TMEM244: variants seen among roughly 807,000 people sequenced by gnomAD.
TMEM244 encodes putative transmembrane protein 244.
A neutral mutation model predicts 15.8 loss-of-function variants in TMEM244; 13 were observed. The ratio of observed to expected loss-of-function variants is 0.82; its 90% CI spans 0.53 to 1.30. The LOEUF (loss-of-function observed/expected upper bound fraction) is 1.30. Among genes scored for constraint, TMEM244 ranks in the 50% most tolerant of loss-of-function variants. TMEM244 has a pLI of 0.00. For synonymous variants in TMEM244, 45 were observed against 48.7 expected, an observed-to-expected ratio of 0.92 and a Z score of 0.32; for missense variants, 161 against 144.9, an observed-to-expected ratio of 1.11 and a Z score of -0.57.
chr6:129,838,687 C>A (rs1011205267), intron 3 of TMEM244, among the ~76,000 whole-genome samples: 9 of 151,900 alleles, frequency 5.9e-5, no homozygotes, highest in Admixed American at 1.3e-4. Context: ...ACTAGCAAGA[C>A]TAATAAAGAA....
intron 1 of TMEM244, among the ~76,000 whole-genome samples, chr6:129,848,040 C>T (rs1205257169): frequency 1.3e-5 from 2 of 152,030 alleles, no homozygotes; most frequent in East Asian, 1.9e-4. Flanking sequence ...TCAGAAAGTG[C>T]GGGGATTACA....
intron 3 of TMEM244, among the ~76,000 whole-genome samples, chr6:129,835,135 C>A (rs1052786387): frequency 6.6e-6 from 1 of 152,164 alleles, no homozygotes. Context: ...GTGGTTCACA[C>A]CTGTAATTCC....
At chr6:129,839,681 C>T (rs1776460990) in intron 3 of TMEM244, among the ~76,000 whole-genome samples, 1 of 152,134 alleles carries the variant, frequency 6.6e-6, no homozygotes, top group Non-Finnish European at 1.5e-5. Context: ...TAGAAAACCC[C>T]ATTGTCTCAG....
chr6:129,848,795 G>A (rs1776597849), intron 1 of TMEM244, among the ~76,000 whole-genome samples: 1 of 152,060 alleles, frequency 6.6e-6, no homozygotes, highest in African/African-American at 2.4e-5. Flanking sequence ...TTCCTACCAT[G>A]TATTGAAATC....
chr6:129,833,205 A>G (rs1776355056), intron 4 of TMEM244, among the ~76,000 whole-genome samples: 1 of 152,174 alleles, frequency 6.6e-6, no homozygotes, highest in Non-Finnish European at 1.5e-5. Flanking sequence ...TCTCAGTTAT[A>G]TTTTTGTAAC....
chr6:129,853,989 C>G (rs1386502874), intron 1 of TMEM244, among the ~76,000 whole-genome samples: 1 of 152,192 alleles, frequency 6.6e-6, no homozygotes, highest in Non-Finnish European at 1.5e-5. Flanking sequence ...CTTCATTCAG[C>G]TCTTGAGTTT....
intron 1 of TMEM244, among the ~76,000 whole-genome samples, chr6:129,859,300 T>C (rs1776767004): frequency 6.6e-6 from 1 of 152,228 alleles, no homozygotes; most frequent in Admixed American, 6.5e-5. Context: ...TCCCAATAGA[T>C]AATACTTTCT....
chr6:129,851,598 C>T (rs1776638535), intron 1 of TMEM244, among the ~76,000 whole-genome samples: 1 of 152,114 alleles, frequency 6.6e-6, no homozygotes, highest in Non-Finnish European at 1.5e-5. Flanking sequence ...TCAACACTCT[C>T]TTTTTAAAAG....
chr6:129,845,376 G>A (rs534271697), intron 2 of TMEM244, among the ~76,000 whole-genome samples: 54 of 152,300 alleles, frequency 3.5e-4, no homozygotes, highest in Non-Finnish European at 6.8e-4. Context: ...CTTTCCATGA[G>A]CATCCTCTGA....
intron 3 of TMEM244, among the ~76,000 whole-genome samples, chr6:129,834,549 T>A (rs1776375740): frequency 6.6e-6 from 1 of 152,194 alleles, no homozygotes; most frequent in South Asian, 2.1e-4. Context: ...CAGAAGTAAT[T>A]TATTATCCAG....
intron 3 of TMEM244, among the ~76,000 whole-genome samples, chr6:129,842,824 T>A (rs17396397): frequency 1.3e-5 from 2 of 150,306 alleles, no homozygotes; most frequent in African/African-American, 4.9e-5. Flanking sequence ...ACCATGAAGC[T>A]CCCCCAAACA....
intron 1 of TMEM244, among the ~76,000 whole-genome samples, chr6:129,850,633 T>A (rs946926783): frequency 1.3e-5 from 2 of 152,222 alleles, no homozygotes; most frequent in Admixed American, 6.5e-5. Flanking sequence ...ACATATGTAA[T>A]TTAAAATTTT....
intron 3 of TMEM244, among the ~76,000 whole-genome samples, chr6:129,843,286 G>C (rs1776516155): frequency 6.6e-6 from 1 of 151,872 alleles, no homozygotes; most frequent in Non-Finnish European, 1.5e-5. Context: ...CCAATACAAT[G>C]AAATGAAAAT....
chr6:129,858,092 T>C (rs1776744123), intron 1 of TMEM244, among the ~76,000 whole-genome samples: 1 of 152,128 alleles, frequency 6.6e-6, no homozygotes, highest in South Asian at 2.1e-4. Flanking sequence ...TTGGTCATGA[T>C]GTTTTATTTT....
At chr6:129,838,721 A>T (rs1354231349) in intron 3 of TMEM244, among the ~76,000 whole-genome samples, 2 of 152,182 alleles carry the variant, frequency 1.3e-5, no homozygotes, top group African/African-American at 4.8e-5. Flanking sequence ...AATCAAATAG[A>T]TGCAATAAAA....
At chr6:129,852,386 C>G (rs752423893) in intron 1 of TMEM244, among the ~76,000 whole-genome samples, 50 of 152,272 alleles carry the variant, frequency 3.3e-4, no homozygotes, top group Admixed American at 6.5e-4. Flanking sequence ...AGCCACTTTG[C>G]AAACCTTATC....
chr6:129,833,332 T>C, intron 4 of TMEM244, 128 bp downstream of exon 4: 1 of 1,062,944 alleles, frequency 9.4e-7, no homozygotes, highest in Non-Finnish European at 1.2e-6. Flanking sequence ...AGACCTTTCA[T>C]CTTCAGTTTT....
At chr6:129,838,290 A>T (rs192198609) in intron 3 of TMEM244, among the ~76,000 whole-genome samples, 1 of 152,276 alleles carries the variant, frequency 6.6e-6, no homozygotes, top group Non-Finnish European at 1.5e-5. Context: ...CTCACTCAAA[A>T]CCTCACAACT....
chr6:129,852,333 G>C (rs1417066767), intron 1 of TMEM244, among the ~76,000 whole-genome samples: 2 of 152,044 alleles, frequency 1.3e-5, no homozygotes, highest in Non-Finnish European at 2.9e-5. Flanking sequence ...ATGTGGTAAG[G>C]GGTAAGCTTT....
Sources: gnomAD v4.1 joint callset for allele counts (sites outside exome capture counted in the v4.1 genomes callset) on GRCh38, gnomAD v4.1.1 for gene constraint, MANE v1.5 for transcripts, NCBI Gene and HGNC (gene_info 2026-07-23, HGNC 2026-07-21) for gene names.